RXRA: variants seen among roughly 807,000 people sequenced by gnomAD.
RXRA encodes retinoid X receptor alpha.
RXRA carries 5 observed loss-of-function variants against 44.5 expected under a neutral mutation model. That is an observed-to-expected ratio of 0.11 (90% CI 0.06 to 0.24). The LOEUF (loss-of-function observed/expected upper bound fraction) is 0.24, where lower values mean the gene tolerates loss of function less well. Ranked by LOEUF, RXRA falls within the 10% of genes least tolerant of loss-of-function variation. The pLI is 1.00. For missense variants in RXRA, 412 were observed against 646.5 expected (o/e 0.64, Z 3.93); for synonymous variants, 291 against 271.4 (o/e 1.07, Z -0.71).
chr9:134,327,508 T>C (rs1285812699), intron 1 of RXRA, among the ~76,000 whole-genome samples: 1 of 152,168 alleles, frequency 6.6e-6, no homozygotes, highest in Non-Finnish European at 1.5e-5. Flanking sequence ...GGAGACTTTA[T>C]AAATTAGCTC....
intron 1 of RXRA, among the ~76,000 whole-genome samples, chr9:134,400,730 G>A (rs1045744737): frequency 2.6e-5 from 4 of 152,196 alleles, no homozygotes; most frequent in African/African-American, 9.6e-5. Flanking sequence ...TGAAATCTCT[G>A]ATTTCAAAGG....
At chr9:134,371,774 G>A (rs374981432) in intron 1 of RXRA, among the ~76,000 whole-genome samples, 4 of 152,190 alleles carry the variant, frequency 2.6e-5, no homozygotes, top group African/African-American at 4.8e-5. Context: ...CAACTGAGTC[G>A]GGGCCACAGG....
At chr9:134,425,144 G>T in intron 6 of RXRA, 1 of 985,412 alleles carries the variant, frequency 1.0e-6, no homozygotes. Context: ...CTGAGTGGGG[G>T]TGCAGTGGCC....
chr9:134,411,803 G>A (rs566035541), intron 4 of RXRA, among the ~76,000 whole-genome samples: 3 of 152,322 alleles, frequency 2.0e-5, no homozygotes, highest in South Asian at 4.1e-4. Flanking sequence ...CGTGCCAAAC[G>A]TGCCCTGCTG....
chr9:134,369,861 A>G (rs1256876454), intron 1 of RXRA, among the ~76,000 whole-genome samples: 1 of 152,008 alleles, frequency 6.6e-6, no homozygotes, highest in Non-Finnish European at 1.5e-5. Context: ...CTGAAACTTT[A>G]CAGACTCCAT....
chr9:134,420,826 G>T (rs570797515), intron 5 of RXRA, among the ~76,000 whole-genome samples: 20 of 152,304 alleles, frequency 1.3e-4, no homozygotes, highest in African/African-American at 4.8e-4. Context: ...CTCCTGCCCT[G>T]TTCAAGGCTG....
At chr9:134,435,324 G>T (rs1459617931) in intron 9 of RXRA, among the ~76,000 whole-genome samples, 1 of 152,136 alleles carries the variant, frequency 6.6e-6, no homozygotes, top group Non-Finnish European at 1.5e-5. Flanking sequence ...TGTCCTCAGC[G>T]GCAGCTGCTG....
At chr9:134,385,942 G>A (rs183713102) in intron 1 of RXRA, among the ~76,000 whole-genome samples, 25 of 152,370 alleles carry the variant, frequency 1.6e-4, no homozygotes, top group Admixed American at 1.3e-3. Flanking sequence ...GACCATCTGC[G>A]GCACCAGCTG....
At position 134,426,914 on chromosome 9, in the gene RXRA, C is replaced by A; in HGVS notation, c.911-2194C>A. 1 of 985,312 alleles carries A rather than the reference C, an allele frequency of 1.0e-6. No homozygotes were observed. The highest frequency in any genetic ancestry group is 1.2e-6 in the Non-Finnish European group (1 of 829,892). 61.0% of individuals were successfully genotyped at this position (985,312 alleles called of 1,614,324 possible). A position where few individuals can be genotyped will look rare whatever the true frequency, so the allele number is the denominator to read the frequency against. ...GCCTGGTGTGGGAAGGGAGGGAGAGCCCTTTCCTAGGAGAGCATTTGCTCT... is the reference window on the plus strand; with the variant it reads ...GCCTGGTGTGGGAAGGGAGGGAGAGACCTTTCCTAGGAGAGCATTTGCTCT... On this transcript the variant is annotated intron_variant, in intron 6 of 9. Coordinates refer to ENST00000481739, the MANE Select transcript of RXRA (RefSeq NM_002957.6). This position sits in a 1 kb window ranked among gnomAD's most constrained non-coding sequence, Gnocchi z 4.6.
intron 1 of RXRA, among the ~76,000 whole-genome samples, chr9:134,339,975 G>A (rs1412743056): frequency 1.3e-5 from 2 of 152,104 alleles, no homozygotes; most frequent in African/African-American, 2.4e-5. Flanking sequence ...GTGTGCACCC[G>A]TGCATGTGTG....
rs1040433889 is a variant in RXRA at position 134,366,639 on chromosome 9, C to T, written c.29-34993C>T. 6.6e-6 allele frequency among the ~76,000 whole-genome samples: 1 copy of T among 152,106 alleles called. No individual in the cohort carries two copies. Among genetic ancestry groups the T allele is most frequent in the Admixed American group, 6.5e-5 (1 of 15,280 alleles). The stretch of plus-strand genomic sequence containing the variant: ...CTCCACTAGTGGGCTTTGGCCTCCT[C>T]GTGAGGAGCTGGGTGGGGCTGGAGA... On this transcript the variant is annotated intron_variant, in intron 1 of 9. Coordinates refer to ENST00000481739, the MANE Select transcript of RXRA (RefSeq NM_002957.6). The surrounding 1 kb of genome is among the most constrained non-coding windows in gnomAD (Gnocchi z 5.9).
chr9:134,436,261 C>T (rs1456441640), intron 9 of RXRA, among the ~76,000 whole-genome samples: 1 of 152,254 alleles, frequency 6.6e-6, no homozygotes, highest in Non-Finnish European at 1.5e-5. Flanking sequence ...TTCACTCTGT[C>T]CTGGCTCTGG....
chr9:134,426,314 C>T lies in RXRA; in HGVS notation c.911-2794C>T, dbSNP rs1831433664. On this transcript the variant is annotated intron_variant, in intron 6 of 9. Transcript: ENST00000481739. This position sits in a 1 kb window ranked among gnomAD's most constrained non-coding sequence, Gnocchi z 4.6. ...AGCCCTCCTTCCTGCAGCGATGGAG[C>T]ACTTAGGAAGGTGAAGACACCCCAA... 1.0e-6 allele frequency: 1 copy of T among 985,432 alleles called. No individual in the cohort carries two copies. The highest frequency in any genetic ancestry group is 1.1e-4 in the East Asian group (1 of 8,816). The allele number at this position is 985,432 out of a possible 1,614,324, so 61.0% of individuals were successfully genotyped here.
At chr9:134,416,355 C>T (rs374431872) in intron 4 of RXRA, among the ~76,000 whole-genome samples, 2 of 152,310 alleles carry the variant, frequency 1.3e-5, no homozygotes, top group East Asian at 1.9e-4. Context: ...GTCAGCTGAC[C>T]GGAGCCCATG....
At chr9:134,350,929 G>A (rs1564265600) in intron 1 of RXRA, among the ~76,000 whole-genome samples, 1 of 152,242 alleles carries the variant, frequency 6.6e-6, no homozygotes, top group Non-Finnish European at 1.5e-5. Flanking sequence ...GTGTGATGGT[G>A]TGGAGGCCAC....
At position 134,421,585 on chromosome 9, in the gene RXRA, C is replaced by G. The variant is rs1831331703; in HGVS notation, c.781-91C>G. ...GGCCGTATTCAGCGTCCTGCATGGG[C>G]CCAGCGTGTGGCAGGGCCTGGTCTG... On this transcript the variant is annotated intron_variant, in intron 5 of 9. Transcript: ENST00000481739. 4.9e-6 allele frequency: 7 copies of G among 1,421,986 alleles called. No homozygotes were observed. In the African/African-American group the frequency reaches 1.0e-4, roughly 20 times the overall value. The allele number at this position is 1,421,986 out of a possible 1,614,324, so 88.1% of individuals were successfully genotyped here.
At chr9:134,362,762 G>A (rs556680699) in intron 1 of RXRA, among the ~76,000 whole-genome samples, 15 of 152,318 alleles carry the variant, frequency 9.8e-5, no homozygotes, top group African/African-American at 3.1e-4. Context: ...ACTTTCTGTC[G>A]GCCCCTCATG....
rs1831442719 is a variant in RXRA, at chr9:134,426,888, G to A, written c.911-2220G>A. ...GGCCACAGGAAGTCTGTCCACACTG[G>A]GCCTGGTGTGGGAAGGGAGGGAGAG... On this transcript the variant is annotated intron_variant, in intron 6 of 9. Transcript: ENST00000481739. The surrounding 1 kb of genome is among the most constrained non-coding windows in gnomAD (Gnocchi z 4.6). The A allele has an allele frequency of 1.0e-6, 1 of 985,236 alleles. No homozygotes were observed. The highest frequency in any genetic ancestry group is 1.7e-5 in the African/African-American group (1 of 57,206). 61.0% of individuals were successfully genotyped at this position (985,236 alleles called of 1,614,324 possible).
chr9:134,331,651 C>T (rs539020786), intron 1 of RXRA, among the ~76,000 whole-genome samples: 29 of 152,362 alleles, frequency 1.9e-4, no homozygotes, highest in African/African-American at 6.5e-4. Flanking sequence ...GTGCCTGCTG[C>T]GTGCCAGGGA....
Sources: allele counts gnomAD v4.1 joint callset (sites outside exome capture counted in the v4.1 genomes callset), GRCh38; gene constraint gnomAD v4.1.1; non-coding constraint Gnocchi (gnomAD v3.1); transcripts MANE v1.5; gene names NCBI Gene and HGNC (gene_info 2026-07-23, HGNC 2026-07-21).